Variants in SNTG1 observed in about 807,000 individuals in gnomAD.
SNTG1 encodes the protein syntrophin gamma 1.
Under a neutral mutation model 74.7 loss-of-function variants are expected in SNTG1, and 39 were observed. The observed-to-expected ratio is 0.52, with a 90% CI of 0.40 to 0.68. The LOEUF (loss-of-function observed/expected upper bound fraction) is 0.68, where lower values mean the gene tolerates loss of function less well. Among genes scored for constraint, SNTG1 ranks in the 30% least tolerant of loss-of-function variants. The pLI is 0.00. For synonymous variants in SNTG1, 254 were observed against 217.1 expected, an observed-to-expected ratio of 1.17 and a Z score of -1.49; for missense variants, 685 against 609.5, an observed-to-expected ratio of 1.12 and a Z score of -1.30.
intron 2 of SNTG1, among the ~76,000 whole-genome samples, chr8:50,186,445 G>A (rs1284016939): frequency 6.6e-6 from 1 of 151,700 alleles, no homozygotes; most frequent in Admixed American, 6.6e-5. Context: ...AGTCCTTGAG[G>A]AACACTGTCT....
intron 1 of SNTG1, among the ~76,000 whole-genome samples, chr8:50,078,894 A>AT (rs140873957): frequency 1.3e-5 from 2 of 152,050 alleles, no homozygotes; most frequent in African/African-American, 2.4e-5. Context: ...ACATGAACTC[A>AT]TTTTTTATGG....
chr8:50,253,275 T>G (rs1227589646), intron 2 of SNTG1, among the ~76,000 whole-genome samples: 1 of 151,926 alleles, frequency 6.6e-6, no homozygotes, highest in Non-Finnish European at 1.5e-5. Context: ...AATACAAAAT[T>G]AGCCAGGCGT....
intron 1 of SNTG1, among the ~76,000 whole-genome samples, chr8:50,045,057 G>A (rs141672356): frequency 1.2e-4 from 19 of 152,298 alleles, no homozygotes; most frequent in African/African-American, 4.3e-4. Flanking sequence ...TATGGCAGTG[G>A]TGAGAAACAG....
chr8:50,495,082 G>GAA (rs1276016488), intron 8 of SNTG1, among the ~76,000 whole-genome samples: 2 of 152,002 alleles, frequency 1.3e-5, no homozygotes, highest in African/African-American at 2.4e-5. Context: ...TAGGAATTGT[G>GAA]AAATTTTAGG....
At chr8:50,681,379 T>C (rs2095330268) in intron 15 of SNTG1, among the ~76,000 whole-genome samples, 1 of 152,162 alleles carries the variant, frequency 6.6e-6, no homozygotes, top group African/African-American at 2.4e-5. Flanking sequence ...GGCTCTGAGA[T>C]ACACCATGCT....
chr8:50,261,542 A>G (rs35227347), intron 2 of SNTG1, among the ~76,000 whole-genome samples: 1 of 151,922 alleles, frequency 6.6e-6, no homozygotes, highest in African/African-American at 2.4e-5. Context: ...ATTACTACTA[A>G]TCTGTTAGTT....
At chr8:50,315,014 AATTT>A (rs1209529933) in intron 2 of SNTG1, among the ~76,000 whole-genome samples, 1 of 149,874 alleles carries the variant, frequency 6.7e-6, no homozygotes, top group Non-Finnish European at 1.5e-5. Flanking sequence ...CATTGATTAT[AATTT>A]ATTTATTAAA....
At chr8:50,578,124 A>G (rs1001775852) in intron 12 of SNTG1, among the ~76,000 whole-genome samples, 1 of 152,230 alleles carries the variant, frequency 6.6e-6, no homozygotes, top group Non-Finnish European at 1.5e-5. Flanking sequence ...TGAATAAGAC[A>G]CATGTCTCTT....
chr8:50,763,227 G>A (rs1228980344), intron 18 of SNTG1, among the ~76,000 whole-genome samples: 1 of 151,840 alleles, frequency 6.6e-6, no homozygotes, highest in Non-Finnish European at 1.5e-5. Flanking sequence ...TTTTCAGTTC[G>A]TTTGGCTTTT....
intron 18 of SNTG1, among the ~76,000 whole-genome samples, chr8:50,778,278 A>G (rs900881291): frequency 2.0e-5 from 3 of 152,192 alleles, no homozygotes; most frequent in Non-Finnish European, 4.4e-5. Flanking sequence ...GAATCGCCAC[A>G]CTGACTTCCA....
intron 8 of SNTG1, among the ~76,000 whole-genome samples, chr8:50,500,416 G>A (rs926705402): frequency 6.6e-6 from 1 of 151,398 alleles, no homozygotes; most frequent in Non-Finnish European, 1.5e-5. Context: ...TAACTTTTTT[G>A]GCTGAAATTT....
At chr8:50,658,748 A>G in intron 15 of SNTG1, 85 bp downstream of exon 15, 1 of 834,264 alleles carries the variant, frequency 1.2e-6, no homozygotes, top group Non-Finnish European at 1.9e-6. Flanking sequence ...ATGAAAACAA[A>G]TCATTCATGG....
chr8:49,987,742 G>A (rs1165563310), intron 1 of SNTG1, among the ~76,000 whole-genome samples: 10 of 144,768 alleles, frequency 6.9e-5, no homozygotes, highest in African/African-American at 2.1e-4. Flanking sequence ...TCTGCCTCCC[G>A]GGTTCAAGCC....
chr8:50,286,307 A>G (rs888821345), intron 2 of SNTG1, among the ~76,000 whole-genome samples: 13 of 152,034 alleles, frequency 8.6e-5, no homozygotes, highest in African/African-American at 2.7e-4. Context: ...GTTTGTTTCA[A>G]CCTATGTGGG....
chr8:49,971,023 G>A lies in SNTG1; in HGVS notation c.-103+58792G>A, dbSNP rs370723325. Among the ~76,000 whole-genome samples the A allele has an allele frequency of 7.7e-3, 1,170 of 152,230 alleles. 20 individuals carry two copies. Among genetic ancestry groups the A allele is most frequent in the African/African-American group, 0.027 (1,135 of 41,532 alleles). ...AATCCTCCCTAACTCATTTTATGAG[G>A]CCAGCATCATCCTGATACCAAAGCC... On this transcript the variant is annotated intron_variant, in intron 1 of 18. Transcript: ENST00000642720.
intron 1 of SNTG1, among the ~76,000 whole-genome samples, chr8:50,151,296 C>A (rs1001850720): frequency 1.3e-5 from 2 of 152,100 alleles, no homozygotes; most frequent in East Asian, 1.9e-4. Flanking sequence ...TTTTATTCTT[C>A]TTTCATTTAT....
At chr8:50,197,508 A>C (rs2083820494) in intron 2 of SNTG1, among the ~76,000 whole-genome samples, 1 of 152,012 alleles carries the variant, frequency 6.6e-6, no homozygotes, top group Non-Finnish European at 1.5e-5. Flanking sequence ...TTGAGATTGC[A>C]TCCAGGGCCT....
intron 17 of SNTG1, among the ~76,000 whole-genome samples, chr8:50,745,409 T>C (rs2095552956): frequency 6.6e-6 from 1 of 151,986 alleles, no homozygotes; most frequent in African/African-American, 2.4e-5. Flanking sequence ...TTGATGAGGA[T>C]GTGGAGAACC....
intron 12 of SNTG1, among the ~76,000 whole-genome samples, chr8:50,577,533 G>C (rs1182538486): frequency 1.4e-5 from 2 of 146,658 alleles, no homozygotes; most frequent in Non-Finnish European, 1.5e-5. Context: ...AAATGAGTTA[G>C]GAAATGCTCC....
Sources: gnomAD v4.1 joint callset for allele counts (sites outside exome capture counted in the v4.1 genomes callset) on GRCh38, gnomAD v4.1.1 for gene constraint, MANE v1.5 for transcripts, NCBI Gene and HGNC (gene_info 2026-07-23, HGNC 2026-07-21) for gene names.